JMJD1C: variants seen among roughly 807,000 people sequenced by gnomAD.
JMJD1C encodes jumonji domain containing 1C.
Under a neutral mutation model 245.3 loss-of-function variants are expected in JMJD1C, and 31 were observed. That is an observed-to-expected ratio of 0.13 (90% CI 0.09 to 0.17). The LOEUF (loss-of-function observed/expected upper bound fraction) is 0.17, where lower values mean the gene tolerates loss of function less well. Among genes scored for constraint, JMJD1C ranks in the 10% least tolerant of loss-of-function variants. The pLI is 1.00. For synonymous variants in JMJD1C, 1,057 were observed against 1,017.4 expected (o/e 1.04, Z -0.74); for missense variants, 2,691 against 3,000.2 (o/e 0.90, Z 2.41).
intron 1 of JMJD1C, among the ~76,000 whole-genome samples, chr10:63,388,643 A>C (rs1172825266): frequency 6.6e-6 from 1 of 152,194 alleles, no homozygotes; most frequent in African/African-American, 2.4e-5. Context: ...AGAAGAGAGA[A>C]AGGAACAATG....
intron 3 of JMJD1C, among the ~76,000 whole-genome samples, chr10:63,256,586 T>A (rs1853965253): frequency 6.6e-6 from 1 of 152,234 alleles, no homozygotes; most frequent in African/African-American, 2.4e-5. Flanking sequence ...TTGCAAGCTG[T>A]CACTTTTGAC....
chr10:63,319,744 T>A (rs1230191135), intron 2 of JMJD1C, among the ~76,000 whole-genome samples: 1 of 152,150 alleles, frequency 6.6e-6, no homozygotes, highest in Admixed American at 6.6e-5. Flanking sequence ...ATAGATCAAT[T>A]CTGTTATTCA....
At chr10:63,331,259 C>T (rs2134166984) in intron 2 of JMJD1C, among the ~76,000 whole-genome samples, 1 of 152,282 alleles carries the variant, frequency 6.6e-6, no homozygotes, top group South Asian at 2.1e-4. Flanking sequence ...TACTTTACCT[C>T]TTGCCCTATA....
At position 63,475,326 on chromosome 10, in the gene JMJD1C, C is replaced by G. The variant is rs78954738; in HGVS notation, n.113+46412G>C. On this transcript the variant is annotated intron_variant and non_coding_transcript_variant, in intron 1 of 3. Coordinates refer to the JMJD1C transcript ENST00000633035. The stretch of plus-strand genomic sequence containing the variant: ...TACTTCCTAGAGGGAATAGAAATAG[C>G]CTTCAATTTGGTCTACATTATCACC... 9.8e-3 allele frequency among the ~76,000 whole-genome samples: 1,493 copies of G among 152,240 alleles called. 30 individuals carry two copies. The highest frequency in any genetic ancestry group is 0.034 in the African/African-American group (1,404 of 41,528).
At chr10:63,173,132 A>C (rs1329061332) in intron 24 of JMJD1C, among the ~76,000 whole-genome samples, 2 of 152,010 alleles carry the variant, frequency 1.3e-5, no homozygotes, top group African/African-American at 4.8e-5. Flanking sequence ...TATACTTTTG[A>C]ATTTTTCTGT....
chr10:63,475,393 A>T (rs1953628859), intron 1 of JMJD1C, among the ~76,000 whole-genome samples: 1 of 152,248 alleles, frequency 6.6e-6, no homozygotes, highest in Non-Finnish European at 1.5e-5. Flanking sequence ...ATCTAATTCC[A>T]TGAAAATAGT....
chr10:63,185,436 C>G (rs1844018967), intron 20 of JMJD1C, 127 bp downstream of exon 20: 2 of 688,132 alleles, frequency 2.9e-6, no homozygotes, highest in South Asian at 1.6e-5. Flanking sequence ...CGCTCAGCCT[C>G]AAGTTATTTA....
At chr10:63,388,006 C>CA (rs1056269956) in intron 1 of JMJD1C, among the ~76,000 whole-genome samples, 2 of 151,978 alleles carry the variant, frequency 1.3e-5, no homozygotes, top group Non-Finnish European at 2.9e-5. Flanking sequence ...ATAAAGCTAC[C>CA]AAATTTTCAA....
chr10:63,455,822 A>G (rs1952373650), intron 1 of JMJD1C, among the ~76,000 whole-genome samples: 1 of 152,182 alleles, frequency 6.6e-6, no homozygotes, highest in South Asian at 2.1e-4. Flanking sequence ...CCAAGACACC[A>G]AAGAAAGCAA....
At chr10:63,235,834 C>T (rs1251766150) in intron 3 of JMJD1C, among the ~76,000 whole-genome samples, 1 of 152,144 alleles carries the variant, frequency 6.6e-6, no homozygotes, top group Non-Finnish European at 1.5e-5. Flanking sequence ...ATTTTGCATG[C>T]TCTCTGCTAG....
intron 24 of JMJD1C, among the ~76,000 whole-genome samples, chr10:63,173,491 G>A (rs557817014): frequency 6.6e-6 from 1 of 152,326 alleles, no homozygotes; most frequent in African/African-American, 2.4e-5. Flanking sequence ...GGAGGCCAAG[G>A]CAGGAAGATT....
At chr10:63,502,700 A>G (rs201275977) in intron 1 of JMJD1C, among the ~76,000 whole-genome samples, 1 of 151,318 alleles carries the variant, frequency 6.6e-6, no homozygotes, top group Non-Finnish European at 1.5e-5. Flanking sequence ...TCCACCCACA[A>G]CTGCCAATAT....
intron 1 of JMJD1C, among the ~76,000 whole-genome samples, chr10:63,397,402 G>A (rs1311147507): frequency 6.6e-6 from 1 of 151,836 alleles, no homozygotes; most frequent in African/African-American, 2.4e-5. Flanking sequence ...CAGTAGAGAC[G>A]GAGTTTCTCC....
chr10:63,429,412 T>C (rs902565777), intron 1 of JMJD1C, among the ~76,000 whole-genome samples: 2 of 152,156 alleles, frequency 1.3e-5, no homozygotes, highest in Non-Finnish European at 1.5e-5. Flanking sequence ...AATATTAGGA[T>C]GCACAATTTC....
At chr10:63,329,060 C>T (rs985977595) in intron 2 of JMJD1C, among the ~76,000 whole-genome samples, 2 of 151,892 alleles carry the variant, frequency 1.3e-5, no homozygotes, top group African/African-American at 2.4e-5. Flanking sequence ...GGTGGGAGAA[C>T]TGCTTGAGCC....
At chr10:63,201,019 A>G (rs1419073806) in intron 10 of JMJD1C, among the ~76,000 whole-genome samples, 1 of 152,230 alleles carries the variant, frequency 6.6e-6, no homozygotes, top group Non-Finnish European at 1.5e-5. Flanking sequence ...TCAATAACTG[A>G]AAATACAGTC....
chr10:63,377,921 CAAAA>C (rs11364665), intron 2 of JMJD1C, among the ~76,000 whole-genome samples: 1 of 139,684 alleles, frequency 7.2e-6, no homozygotes. Flanking sequence ...AATAGTATGG[CAAAA>C]AAAAAAAAGG....
At chr10:63,188,155 T>G (rs191117272) in intron 18 of JMJD1C, among the ~76,000 whole-genome samples, 1 of 152,360 alleles carries the variant, frequency 6.6e-6, no homozygotes, top group Admixed American at 6.5e-5. Flanking sequence ...TCATAGCACC[T>G]TGAACAAAGT....
intron 2 of JMJD1C, among the ~76,000 whole-genome samples, chr10:63,351,503 C>T (rs1035651709): frequency 3.3e-5 from 5 of 152,104 alleles, no homozygotes; most frequent in Non-Finnish European, 5.9e-5. Flanking sequence ...ACATTAATTT[C>T]ATTTACTTCA....
Sources: gnomAD v4.1 joint callset for allele counts (sites outside exome capture counted in the v4.1 genomes callset) on GRCh38, gnomAD v4.1.1 for gene constraint, MANE v1.5 for transcripts, NCBI Gene and HGNC (gene_info 2026-07-23, HGNC 2026-07-21) for gene names.